The following NIPAL3 variants were observed in gnomAD, a reference collection of about 807,000 sequenced individuals.
The protein encoded by NIPAL3 is NIPA-like protein 3.
Under a neutral mutation model 47.2 loss-of-function variants are expected in NIPAL3, and 41 were observed. The ratio of observed to expected loss-of-function variants is 0.87; its 90% CI spans 0.68 to 1.13. The LOEUF is 1.13. Ranked by LOEUF, NIPAL3 falls within the 50% of genes most tolerant of loss-of-function variation. The pLI is 0.00. For synonymous variants in NIPAL3, 194 were observed against 209.6 expected (o/e 0.93, Z 0.64); for missense variants, 449 against 530.1 (o/e 0.85, Z 1.50).
At chr1:24,464,266 G>T in intron 11 of NIPAL3, 146 bp downstream of exon 11, 1 of 594,330 alleles carries the variant, frequency 1.7e-6, no homozygotes, top group East Asian at 3.3e-5. Context: ...TTTTAATTTT[G>T]TGCAAAAGGG....
chr1:24,470,146 A>T lies in NIPAL3; in HGVS notation c.*961A>T, dbSNP rs1409519446. ...CAAGCCAAGCTTGAGTTACTGGTTA[A>T]TTTCCTTGAAGTCAATAGAGACTCT... On this transcript the variant is annotated 3_prime_UTR_variant, in exon 12 of 12. Coordinates refer to ENST00000374399, the MANE Select transcript of NIPAL3 (RefSeq NM_020448.5). The T allele has an allele frequency of 1.2e-4, 18 of 152,184 alleles. No homozygotes were observed. The highest frequency in any genetic ancestry group is 1.2e-3 in the Admixed American group (18 of 15,282). 9.4% of individuals were successfully genotyped at this position (152,184 alleles called of 1,614,324 possible). A position where few individuals can be genotyped will look rare whatever the true frequency, so the allele number is the denominator to read the frequency against.
At chr1:24,446,544 G>A (rs1448318778) in intron 5 of NIPAL3, among the ~76,000 whole-genome samples, 1 of 151,466 alleles carries the variant, frequency 6.6e-6, no homozygotes, top group African/African-American at 2.4e-5. Flanking sequence ...TTCTGTTCCT[G>A]CATTAGTTTG....
intron 2 of NIPAL3, among the ~76,000 whole-genome samples, chr1:24,431,316 C>T (rs6676449): frequency 0.1 from 15,510 of 152,172 alleles, 814 homozygotes; most frequent in Non-Finnish European, 0.12. Context: ...GAAGGACAAG[C>T]CTTTCTTTGA....
chr1:24,450,501 A>G (rs1180654373), intron 6 of NIPAL3, among the ~76,000 whole-genome samples: 2 of 152,174 alleles, frequency 1.3e-5, no homozygotes, highest in Non-Finnish European at 2.9e-5. Context: ...TAAGTCTATA[A>G]ATCAACTGAT....
chr1:24,453,299 C>A, intron 6 of NIPAL3, 109 bp from the exon 7 acceptor site: 2 of 704,338 alleles, frequency 2.8e-6, no homozygotes, highest in South Asian at 3.2e-5. Flanking sequence ...ATAGCTCAGT[C>A]ATTCCCTTTC....
At chr1:24,422,402 T>G (rs1644374448) in intron 2 of NIPAL3, among the ~76,000 whole-genome samples, 1 of 152,122 alleles carries the variant, frequency 6.6e-6, no homozygotes, top group African/African-American at 2.4e-5. Flanking sequence ...TCTGTCTCTG[T>G]AAAATGAAGA....
Position 24,467,202 on chromosome 1 carries a change from G to A in NIPAL3, c.1022-1784G>A, listed in dbSNP as rs910108209. Among the ~76,000 whole-genome samples, 9 of 152,196 alleles carry A rather than the reference G, an allele frequency of 5.9e-5. No homozygotes were observed. The East Asian group carries it at 1.2e-3, about 20-fold the overall frequency. On this transcript the variant is annotated intron_variant, in intron 11 of 11. Coordinates refer to ENST00000374399, the MANE Select transcript of NIPAL3 (RefSeq NM_020448.5). Reference sequence around the variant, plus strand: ...CTTCCGGCCAGGCACGGTGGCTCACGCCTGTAATCCCAGCATTTTGGGAGG... The same window carrying A: ...CTTCCGGCCAGGCACGGTGGCTCACACCTGTAATCCCAGCATTTTGGGAGG...
chr1:24,438,766 C>T (rs1353600828), intron 2 of NIPAL3, among the ~76,000 whole-genome samples: 1 of 152,142 alleles, frequency 6.6e-6, no homozygotes, highest in South Asian at 2.1e-4. Context: ...GGGAACCAGG[C>T]GGGGTTGGGA....
Position 24,442,070 on chromosome 1 carries a change from C to T in NIPAL3, c.178C>T (p.Arg60Cys), listed in dbSNP as rs149829624. The change falls in exon 4 of 12, where the codon CGC (arginine) becomes TGC (cysteine). Residue 60 changes from arginine to cysteine, a missense_variant. By Grantham distance (180) the Arg-to-Cys change is radical. Coordinates refer to ENST00000374399, the MANE Select transcript of NIPAL3 (RefSeq NM_020448.5). ...GGGTTTCTAGAAGTACTGCCACATC[C>T]GCCTGGCAGGCTCCAAGGATCCCCG... ...ALNLQKYCHI[R>C]LAGSKDPRAY... 4.0e-5 allele frequency: 65 copies of T among 1,613,810 alleles called. No individual in the cohort carries two copies. Among genetic ancestry groups the T allele is most frequent in the Admixed American group, 3.7e-4 (22 of 59,972 alleles).
chr1:24,442,983 T>C (rs1645468440), intron 4 of NIPAL3, among the ~76,000 whole-genome samples: 1 of 152,068 alleles, frequency 6.6e-6, no homozygotes, highest in Non-Finnish European at 1.5e-5. Context: ...AAAAAACAAA[T>C]TAAGCTTTTG....
At chr1:24,444,031 A>T (rs199936954) in intron 4 of NIPAL3, among the ~76,000 whole-genome samples, 1 of 129,374 alleles carries the variant, frequency 7.7e-6, no homozygotes, top group African/African-American at 3.0e-5. Context: ...TTTTTTTTTT[A>T]AAGAGGCCAA....
chr1:24,461,744 C>G (rs1394105495), intron 10 of NIPAL3, among the ~76,000 whole-genome samples: 1 of 151,564 alleles, frequency 6.6e-6, no homozygotes, highest in East Asian at 1.9e-4. Flanking sequence ...TGGCAGGCAC[C>G]TGTAATCCCA....
At chr1:24,430,463 T>G (rs887285312) in intron 2 of NIPAL3, among the ~76,000 whole-genome samples, 20 of 152,188 alleles carry the variant, frequency 1.3e-4, no homozygotes, top group Admixed American at 1.0e-3. Flanking sequence ...TTGGCCAGGC[T>G]GTTCCTGAAC....
At position 24,453,450 on chromosome 1, in the gene NIPAL3, AAGG is replaced by A. The variant is rs1310704623; in HGVS notation, c.586_588del (p.Glu196del). 6.2e-7 allele frequency: 1 copy of A among 1,612,646 alleles called. No homozygotes were observed. The highest frequency in any genetic ancestry group is 1.1e-5 in the South Asian group (1 of 90,946). ...GTTCTGCTTGCTGCTCTACTTCTAC[AAGG>A]AGAAGAACGCCAACAACATTGTCGT... On this transcript the variant is annotated inframe_deletion, in exon 7 of 12. Transcript: ENST00000374399.
intron 2 of NIPAL3, among the ~76,000 whole-genome samples, chr1:24,434,010 C>G (rs1265442827): frequency 6.6e-6 from 1 of 151,802 alleles, no homozygotes; most frequent in Admixed American, 6.6e-5. Flanking sequence ...ATCTATTTAC[C>G]ACAAAAGAGG....
chr1:24,417,929 G>A (rs888386273), intron 1 of NIPAL3, among the ~76,000 whole-genome samples: 1 of 152,214 alleles, frequency 6.6e-6, no homozygotes, highest in African/African-American at 2.4e-5. Flanking sequence ...ATATTTGTTG[G>A]ATGAATGCAT....
At chr1:24,457,379 T>G (rs2148845124) in intron 8 of NIPAL3, among the ~76,000 whole-genome samples, 1 of 152,294 alleles carries the variant, frequency 6.6e-6, no homozygotes, top group East Asian at 1.9e-4. Flanking sequence ...CTAGGAATCT[T>G]GTAGGTGACA....
chr1:24,444,488 A>G (rs924558110), intron 4 of NIPAL3, among the ~76,000 whole-genome samples: 1 of 152,218 alleles, frequency 6.6e-6, no homozygotes, highest in Non-Finnish European at 1.5e-5. Context: ...CTGAATATTT[A>G]ACAAAATATT....
At chr1:24,442,329 C>G in intron 4 of NIPAL3, 103 bp downstream of exon 4, 1 of 1,301,160 alleles carries the variant, frequency 7.7e-7, no homozygotes, top group South Asian at 1.4e-5. Context: ...CCAGCTTTAG[C>G]TTGGATAATA....
Sources: allele counts gnomAD v4.1 joint callset (sites outside exome capture counted in the v4.1 genomes callset), GRCh38; gene constraint gnomAD v4.1.1; transcripts MANE v1.5; gene names NCBI Gene and HGNC (gene_info 2026-07-23, HGNC 2026-07-21).